TEK: variants seen among roughly 807,000 people sequenced by gnomAD.
TEK encodes the protein TEK receptor tyrosine kinase, also known as angiopoietin-1 receptor.
In TEK, 43 loss-of-function variants were observed where a neutral mutation model predicts 131.8. That is an observed-to-expected ratio of 0.33 (90% CI 0.26 to 0.42). TEK has a LOEUF of 0.42. Ranked by LOEUF, TEK falls within the 10% of genes least tolerant of loss-of-function variation. The probability of loss-of-function intolerance (pLI) is 1.00; values close to 1 mark genes in which losing one functional copy is unlikely to be tolerated. For synonymous variants in TEK, 580 were observed against 491.6 expected, an observed-to-expected ratio of 1.18 and a Z score of -2.38; for missense variants, 1,162 against 1,384.4, an observed-to-expected ratio of 0.84 and a Z score of 2.55.
chr9:27,219,546 T>TAAAACCTAGATG (rs1181880116), intron 20 of TEK, among the ~76,000 whole-genome samples: 1 of 152,080 alleles, frequency 6.6e-6, no homozygotes, highest in Non-Finnish European at 1.5e-5. Flanking sequence ...ATGTGGGGCT[T>TAAAACCTAGATG]AAAACCTAGA....
intron 2 of TEK, among the ~76,000 whole-genome samples, chr9:27,165,247 C>T (rs1424672250): frequency 2.6e-5 from 4 of 152,242 alleles, no homozygotes; most frequent in East Asian, 3.9e-4. Flanking sequence ...AGAAGTCCCA[C>T]GGTCAGCTAA....
intron 21 of TEK, among the ~76,000 whole-genome samples, chr9:27,227,269 A>G (rs1282703519): frequency 4.6e-5 from 7 of 152,170 alleles, no homozygotes; most frequent in African/African-American, 7.2e-5. Context: ...CATTTTAATA[A>G]CAGAGTAGTT....
chr9:27,211,128 A>AT (rs1554701036), intron 16 of TEK, among the ~76,000 whole-genome samples: 14,477 of 123,274 alleles, frequency 0.12, 908 homozygotes, highest in East Asian at 0.16. Context: ...TTTAAAAAAA[A>AT]ATATATATAT....
intron 1 of TEK, among the ~76,000 whole-genome samples, chr9:27,147,798 T>A (rs550231721): frequency 3.3e-5 from 5 of 152,246 alleles, no homozygotes; most frequent in Non-Finnish European, 7.3e-5. Flanking sequence ...TGCATATTGA[T>A]GTCCAAGTGT....
At chr9:27,179,312 T>A (rs1824278938) in intron 6 of TEK, among the ~76,000 whole-genome samples, 1 of 152,196 alleles carries the variant, frequency 6.6e-6, no homozygotes, top group Admixed American at 6.5e-5. Flanking sequence ...AAAAATAGTT[T>A]CTATTTCCCT....
At chr9:27,176,050 T>C (rs1412906185) in intron 6 of TEK, among the ~76,000 whole-genome samples, 1 of 152,208 alleles carries the variant, frequency 6.6e-6, no homozygotes, top group African/African-American at 2.4e-5. Context: ...TGAATAGAAC[T>C]GTTCTAATAT....
chr9:27,131,478 C>CAAA lies in TEK; in HGVS notation c.52+21852_52+21854dup, dbSNP rs537408115. ...TGGGTAACAGGACAAGACCCTGTCT[C>CAAA]AAAAAAAAAAAAAAAAAAGTTATGA... On this transcript the variant is annotated intron_variant, in intron 1 of 22. Coordinates refer to ENST00000380036, the MANE Select transcript of TEK (RefSeq NM_000459.5). Among the ~76,000 whole-genome samples, 96 of 97,138 alleles carry CAAA rather than the reference C, an allele frequency of 9.9e-4. 1 individual carries two copies. The highest frequency in any genetic ancestry group is 5.7e-3 in the Middle Eastern group (1 of 174). 63.7% of individuals were successfully genotyped at this position (97,138 alleles called of 152,430 possible). A position where few individuals can be genotyped will look rare whatever the true frequency, so the allele number is the denominator to read the frequency against.
chr9:27,201,886 G>A (rs1267436805), intron 12 of TEK, among the ~76,000 whole-genome samples: 1 of 152,104 alleles, frequency 6.6e-6, no homozygotes, highest in East Asian at 1.9e-4. Context: ...CTAAAATGTG[G>A]ATCATAAAAA....
chr9:27,183,680 T>C (rs531862556), intron 8 of TEK, 70 bp downstream of exon 8: 1 of 1,574,944 alleles, frequency 6.3e-7, no homozygotes, highest in South Asian at 1.1e-5. Flanking sequence ...CCCCACTAAA[T>C]GATAGATACC....
intron 21 of TEK, among the ~76,000 whole-genome samples, chr9:27,221,876 T>C (rs622381): frequency 0.86 from 131,420 of 152,218 alleles, 57,103 homozygotes; most frequent in East Asian, 1. Context: ...GGGAACAAAA[T>C]TGGACGAATG....
At chr9:27,226,130 G>C (rs972025308) in intron 21 of TEK, among the ~76,000 whole-genome samples, 3 of 152,200 alleles carry the variant, frequency 2.0e-5, no homozygotes, top group African/African-American at 7.2e-5. Flanking sequence ...TACACTGTTG[G>C]TGGGAGTGTA....
At chr9:27,215,674 C>T (rs150295029) in intron 18 of TEK, among the ~76,000 whole-genome samples, 3 of 151,938 alleles carry the variant, frequency 2.0e-5, no homozygotes, top group South Asian at 4.2e-4. Context: ...ATATCCATCC[C>T]GTCATCATGG....
intron 21 of TEK, among the ~76,000 whole-genome samples, chr9:27,224,990 G>A (rs931540485): frequency 5.3e-5 from 8 of 152,164 alleles, no homozygotes; most frequent in African/African-American, 9.7e-5. Context: ...CAAACCATGA[G>A]TGAACTCTCA....
chr9:27,220,860 G>A (rs186951507), intron 21 of TEK, among the ~76,000 whole-genome samples: 13 of 152,270 alleles, frequency 8.5e-5, no homozygotes, highest in Non-Finnish European at 1.3e-4. Flanking sequence ...TGGCCATTTC[G>A]GCAGACACCA....
At chr9:27,124,241 A>G (rs1296331103) in intron 1 of TEK, among the ~76,000 whole-genome samples, 1 of 152,230 alleles carries the variant, frequency 6.6e-6, no homozygotes, top group Non-Finnish European at 1.5e-5. Flanking sequence ...ACCAACATTT[A>G]TAATTACTCC....
chr9:27,220,974 G>A (rs76624445), intron 21 of TEK, among the ~76,000 whole-genome samples: 1,843 of 152,338 alleles, frequency 0.012, 42 homozygotes, highest in African/African-American at 0.042. Flanking sequence ...AGGGAGCCAA[G>A]TGGTCTAGCT....
rs1824855822 is a variant in TEK, at chr9:27,192,458, C to T, written c.1490-31C>T. On this transcript the variant is annotated intron_variant, in intron 10 of 22. Transcript: ENST00000380036. ...CTTAAGGAATGTAAGAGAATGCCAA[C>T]TTAAGTTTCCTGGACGTTTTCTCTT... is the stretch of plus-strand genomic sequence containing the variant. The T allele has an allele frequency of 2.5e-6, 4 of 1,613,412 alleles. No individual in the cohort carries two copies. The Admixed American group carries it at 5.0e-5, about 20-fold the overall frequency.
At chr9:27,227,115 C>T (rs559654257) in intron 21 of TEK, among the ~76,000 whole-genome samples, 1 of 152,160 alleles carries the variant, frequency 6.6e-6, no homozygotes, top group South Asian at 2.1e-4. Context: ...GTAAGCTGTT[C>T]TGGGATCTGT....
intron 21 of TEK, among the ~76,000 whole-genome samples, chr9:27,226,591 G>A (rs936893708): frequency 2.0e-5 from 3 of 152,102 alleles, no homozygotes; most frequent in Admixed American, 2.0e-4. Flanking sequence ...GGGGGCTAGG[G>A]GAGGGATAGC....
Sources: gnomAD v4.1 joint callset for allele counts (sites outside exome capture counted in the v4.1 genomes callset) on GRCh38, gnomAD v4.1.1 for gene constraint, MANE v1.5 for transcripts, NCBI Gene and HGNC (gene_info 2026-07-23, HGNC 2026-07-21) for gene names.